Variants in CNTN4 observed in about 807,000 individuals in gnomAD.
CNTN4 encodes contactin 4.
Under a neutral mutation model 122.5 loss-of-function variants are expected in CNTN4, and 77 were observed. The ratio of observed to expected loss-of-function variants is 0.63; its 90% CI spans 0.52 to 0.76. The LOEUF (loss-of-function observed/expected upper bound fraction) is 0.76. CNTN4 is among the 30% of genes least tolerant of loss of function. CNTN4 has a pLI of 0.00. For missense variants in CNTN4, 1,256 were observed against 1,259.1 expected (o/e 1.00, Z 0.04); for synonymous variants, 512 against 447.0 (o/e 1.15, Z -1.83).
intron 2 of CNTN4, among the ~76,000 whole-genome samples, chr3:2,185,286 C>G (rs142175784): frequency 6.6e-6 from 1 of 152,164 alleles, no homozygotes; most frequent in Non-Finnish European, 1.5e-5. Context: ...TTGCTCACCA[C>G]GGTCTCTCTC....
chr3:2,776,520 A>G (rs1409809408), intron 6 of CNTN4, among the ~76,000 whole-genome samples: 1 of 152,146 alleles, frequency 6.6e-6, no homozygotes, highest in Non-Finnish European at 1.5e-5. Context: ...CTTGATCTCC[A>G]AAGTCAACAT....
chr3:2,795,058 C>A (rs2092128076), intron 6 of CNTN4, among the ~76,000 whole-genome samples: 1 of 152,156 alleles, frequency 6.6e-6, no homozygotes, highest in Admixed American at 6.6e-5. Context: ...TACCATAATT[C>A]TCTGTCCATG....
intron 3 of CNTN4, among the ~76,000 whole-genome samples, chr3:2,540,732 A>T (rs2077999903): frequency 6.6e-6 from 1 of 152,098 alleles, no homozygotes; most frequent in African/African-American, 2.4e-5. Context: ...GGAAAAGTAC[A>T]ATTTTTTAAC....
intron 2 of CNTN4, among the ~76,000 whole-genome samples, chr3:2,310,515 C>G (rs1015253487): frequency 6.6e-6 from 1 of 152,084 alleles, no homozygotes; most frequent in African/African-American, 2.4e-5. Flanking sequence ...CATAAGGGAC[C>G]GCCTTCCCAC....
chr3:2,303,275 G>A (rs2042588574), intron 2 of CNTN4, among the ~76,000 whole-genome samples: 1 of 152,062 alleles, frequency 6.6e-6, no homozygotes, highest in East Asian at 1.9e-4. Flanking sequence ...TATATTCAGA[G>A]TGAATAATAA....
chr3:2,750,488 C>T (rs2090039043), intron 6 of CNTN4, among the ~76,000 whole-genome samples: 1 of 152,142 alleles, frequency 6.6e-6, no homozygotes, highest in Non-Finnish European at 1.5e-5. Context: ...ACTTGCTCTT[C>T]CTCCCACTTT....
chr3:2,290,353 G>T (rs989759234), intron 2 of CNTN4, among the ~76,000 whole-genome samples: 4 of 152,246 alleles, frequency 2.6e-5, no homozygotes, highest in South Asian at 4.1e-4. Context: ...GTTATGACTT[G>T]AATAACACTG....
At chr3:2,865,954 A>G (rs947864702) in intron 7 of CNTN4, among the ~76,000 whole-genome samples, 2 of 152,188 alleles carry the variant, frequency 1.3e-5, no homozygotes, top group Non-Finnish European at 1.5e-5. Context: ...TTTTATCACT[A>G]TCTCATATCC....
chr3:2,238,023 A>T (rs960746148), intron 2 of CNTN4, among the ~76,000 whole-genome samples: 9 of 152,070 alleles, frequency 5.9e-5, no homozygotes, highest in African/African-American at 1.4e-4. Flanking sequence ...TGCCATTGAG[A>T]CGTTTTTATA....
At chr3:2,715,705 C>T (rs746532619) in intron 4 of CNTN4, among the ~76,000 whole-genome samples, 5 of 152,314 alleles carry the variant, frequency 3.3e-5, no homozygotes, top group African/African-American at 1.2e-4. Flanking sequence ...GGTGAGGGCT[C>T]TCATGCTGAC....
At position 2,832,287 on chromosome 3, in the gene CNTN4, C is replaced by T. The variant is rs186119212; in HGVS notation, c.454+12706C>T. On this transcript the variant is annotated intron_variant, in intron 7 of 24. Coordinates refer to ENST00000418658, the MANE Select transcript of CNTN4 (RefSeq NM_175607.3). ...TGGCAGAACCTTTCAGATACCAGGCCTTGTCATAGACAGGGCAGATATAGG... is the reference window on the plus strand; with the variant it reads ...TGGCAGAACCTTTCAGATACCAGGCTTTGTCATAGACAGGGCAGATATAGG... 1.1e-4 allele frequency among the ~76,000 whole-genome samples: 17 copies of T among 152,286 alleles called. No homozygotes were observed. The South Asian group carries it at 3.1e-3, about 28-fold the overall frequency.
At chr3:2,624,485 C>G (rs2082106963) in intron 4 of CNTN4, among the ~76,000 whole-genome samples, 1 of 152,034 alleles carries the variant, frequency 6.6e-6, no homozygotes, top group Non-Finnish European at 1.5e-5. Flanking sequence ...GTCAACCTTG[C>G]AACCTGCCTG....
chr3:2,152,910 A>G (rs2035558137), intron 2 of CNTN4, among the ~76,000 whole-genome samples: 1 of 152,276 alleles, frequency 6.6e-6, no homozygotes, highest in East Asian at 1.9e-4. Flanking sequence ...CCTGGACCCC[A>G]AGTGAATGCA....
chr3:2,512,544 G>C (rs191503246), intron 3 of CNTN4, among the ~76,000 whole-genome samples: 1 of 152,278 alleles, frequency 6.6e-6, no homozygotes. Context: ...TGAAATTAAA[G>C]ATTGTTATCA....
intron 8 of CNTN4, 105 bp from the exon 9 acceptor site, chr3:2,883,040 C>T (rs1317818927): frequency 1.3e-6 from 1 of 763,726 alleles, no homozygotes; most frequent in Non-Finnish European, 2.3e-6. Context: ...ATTAATTGTG[C>T]ACATAATGAT....
chr3:2,904,457 C>G (rs1013931235), intron 12 of CNTN4, among the ~76,000 whole-genome samples: 3 of 152,196 alleles, frequency 2.0e-5, no homozygotes, highest in African/African-American at 7.2e-5. Context: ...GACTCAAATC[C>G]TATCAAAGAT....
chr3:2,609,850 G>C (rs1215522986), intron 4 of CNTN4, among the ~76,000 whole-genome samples: 3 of 151,666 alleles, frequency 2.0e-5, no homozygotes, highest in Non-Finnish European at 4.4e-5. Context: ...TTTTTGATTT[G>C]TGCAACTTTA....
At chr3:2,500,378 A>G (rs2148996253) in intron 3 of CNTN4, among the ~76,000 whole-genome samples, 1 of 152,228 alleles carries the variant, frequency 6.6e-6, no homozygotes, top group East Asian at 1.9e-4. Flanking sequence ...TTTAGCTTCT[A>G]AGATCATCAT....
chr3:2,857,546 T>G (rs1008853447), intron 7 of CNTN4, among the ~76,000 whole-genome samples: 1 of 152,208 alleles, frequency 6.6e-6, no homozygotes, highest in African/African-American at 2.4e-5. Context: ...GGTTTGATGG[T>G]TTGATCACAC....
Sources: allele counts gnomAD v4.1 joint callset (sites outside exome capture counted in the v4.1 genomes callset), GRCh38; gene constraint gnomAD v4.1.1; transcripts MANE v1.5; gene names NCBI Gene and HGNC (gene_info 2026-07-23, HGNC 2026-07-21).